The following RBFOX1 variants were observed in gnomAD, a reference collection of about 807,000 sequenced individuals.
RBFOX1 encodes the protein RNA binding fox-1 homolog 1.
A neutral mutation model predicts 57.7 loss-of-function variants in RBFOX1; 8 were observed. That is an observed-to-expected ratio of 0.14 (90% CI 0.08 to 0.25). RBFOX1 has a LOEUF of 0.25. Among genes scored for constraint, RBFOX1 ranks in the 10% least tolerant of loss-of-function variants. The probability of loss-of-function intolerance (pLI) is 1.00; values close to 1 mark genes in which losing one functional copy is unlikely to be tolerated. For synonymous variants in RBFOX1, 326 were observed against 222.4 expected (o/e 1.47, Z -4.15); for missense variants, 611 against 548.5 (o/e 1.11, Z -1.14).
At chr16:7,431,451 G>C (rs936425101) in intron 4 of RBFOX1, among the ~76,000 whole-genome samples, 3 of 151,564 alleles carry the variant, frequency 2.0e-5, no homozygotes, top group Admixed American at 1.3e-4. Flanking sequence ...GTGTTGCCCA[G>C]ACTGGTCTCA....
chr16:7,244,559 A>C (rs904479694), intron 4 of RBFOX1, among the ~76,000 whole-genome samples: 1 of 152,172 alleles, frequency 6.6e-6, no homozygotes, highest in Non-Finnish European at 1.5e-5. Context: ...CTCAGTTGCA[A>C]TGCTCCTAGA....
intron 3 of RBFOX1, among the ~76,000 whole-genome samples, chr16:6,936,112 C>T (rs77758963): frequency 0.015 from 2,315 of 152,166 alleles, 57 homozygotes; most frequent in African/African-American, 0.053. Context: ...CTTTTTGCTC[C>T]GGGGGTTCAG....
chr16:6,238,156 C>G (rs1377866791), intron 1 of RBFOX1, among the ~76,000 whole-genome samples: 1 of 150,288 alleles, frequency 6.7e-6, no homozygotes, highest in Non-Finnish European at 1.5e-5. Flanking sequence ...TTAGAAATGT[C>G]TGTGAAGTAT....
intron 2 of RBFOX1, among the ~76,000 whole-genome samples, chr16:6,410,125 C>G (rs1199264984): frequency 6.6e-6 from 1 of 150,498 alleles, no homozygotes; most frequent in African/African-American, 2.5e-5. Flanking sequence ...TGGCAACTTT[C>G]TTTTCTTCTT....
At chr16:7,094,298 A>G (rs1400828188) in intron 4 of RBFOX1, among the ~76,000 whole-genome samples, 3 of 152,178 alleles carry the variant, frequency 2.0e-5, no homozygotes, top group East Asian at 1.9e-4. Flanking sequence ...GGGAAGCAAT[A>G]GAGCATTGTT....
intron 2 of RBFOX1, among the ~76,000 whole-genome samples, chr16:5,480,487 C>T (rs948236059): frequency 4.6e-5 from 7 of 152,090 alleles, no homozygotes; most frequent in African/African-American, 1.7e-4. Context: ...CATAATAAAC[C>T]CTGCTGCCGC....
chr16:6,164,811 G>A (rs1597961351), intron 1 of RBFOX1, among the ~76,000 whole-genome samples: 1 of 152,056 alleles, frequency 6.6e-6, no homozygotes. Flanking sequence ...ACTCAGTGGA[G>A]CTCGTTACAA....
intron 3 of RBFOX1, among the ~76,000 whole-genome samples, chr16:6,739,931 C>G (rs1030982091): frequency 2.0e-5 from 3 of 152,110 alleles, no homozygotes; most frequent in East Asian, 1.9e-4. Flanking sequence ...CCATTACACT[C>G]TGGTCACAAA....
At chr16:6,877,420 A>T (rs1287591937) in intron 3 of RBFOX1, among the ~76,000 whole-genome samples, 1 of 152,200 alleles carries the variant, frequency 6.6e-6, no homozygotes, top group African/African-American at 2.4e-5. Flanking sequence ...GCATTATTAA[A>T]TCACAGAGAC....
At chr16:5,466,542 C>T (rs1404007343) in intron 1 of RBFOX1, among the ~76,000 whole-genome samples, 4 of 152,132 alleles carry the variant, frequency 2.6e-5, no homozygotes, top group Admixed American at 2.6e-4. Context: ...CTGTGTGTGC[C>T]CTCTGGGAAT....
intron 4 of RBFOX1, chr16:7,422,992 G>C (rs537705926): frequency 1.3e-5 from 2 of 152,120 alleles, no homozygotes; most frequent in East Asian, 3.9e-4. Flanking sequence ...CTGACACCTG[G>C]CCACCCAACC....
At chr16:7,212,618 C>T (rs1251628994) in intron 4 of RBFOX1, among the ~76,000 whole-genome samples, 1 of 148,528 alleles carries the variant, frequency 6.7e-6, no homozygotes, top group African/African-American at 2.5e-5. Context: ...TAAAGGCATT[C>T]CACAAGTTGT....
chr16:6,841,757 G>A (rs1478553808), intron 3 of RBFOX1, among the ~76,000 whole-genome samples: 1 of 152,010 alleles, frequency 6.6e-6, no homozygotes, highest in African/African-American at 2.4e-5. Context: ...CTTAAACCTG[G>A]ACCATGCAGC....
Position 6,864,618 on chromosome 16 carries a change from A to G in RBFOX1, c.-15-187439A>G, listed in dbSNP as rs574717592. 1.7e-4 allele frequency among the ~76,000 whole-genome samples: 25 copies of G among 151,466 alleles called. No individual in the cohort carries two copies. In the South Asian group the frequency reaches 3.8e-3, roughly 23 times the overall value. Reference sequence around the variant, plus strand: ...GGATGTGTCAACGGCAGGATATTTGAGAATCAAGGATCTGATTCAAATGTT... The same window carrying G: ...GGATGTGTCAACGGCAGGATATTTGGGAATCAAGGATCTGATTCAAATGTT... On this transcript the variant is annotated intron_variant, in intron 3 of 15. Coordinates refer to ENST00000550418, the MANE Select transcript of RBFOX1 (RefSeq NM_018723.4).
chr16:5,400,078 C>T (rs2066670545), intron 1 of RBFOX1, among the ~76,000 whole-genome samples: 1 of 151,708 alleles, frequency 6.6e-6, no homozygotes, highest in Non-Finnish European at 1.5e-5. Context: ...TTCTTCTTTC[C>T]TTTTCTTTTT....
intron 1 of RBFOX1, among the ~76,000 whole-genome samples, chr16:6,110,575 A>T (rs953323137): frequency 6.6e-6 from 1 of 152,126 alleles, no homozygotes; most frequent in African/African-American, 2.4e-5. Context: ...TCCAATTAAG[A>T]TGGATCCATG....
intron 3 of RBFOX1, among the ~76,000 whole-genome samples, chr16:5,818,995 C>A (rs1390192860): frequency 6.6e-6 from 1 of 152,172 alleles, no homozygotes; most frequent in Non-Finnish European, 1.5e-5. Context: ...TCCATCTGTC[C>A]TTCTCCTCCT....
At position 5,948,890 on chromosome 16, in the gene RBFOX1, C is replaced by G. The variant is rs1251280349; in HGVS notation, c.351+81555C>G. Among the ~76,000 whole-genome samples, 3 of 152,194 alleles carry G rather than the reference C, an allele frequency of 2.0e-5. No homozygotes were observed. In the East Asian group the frequency reaches 5.8e-4, roughly 29 times the overall value. On this transcript the variant is annotated intron_variant, in intron 4 of 19. Coordinates refer to the RBFOX1 transcript ENST00000641259. ...AGGACAGGGGCACTGCCATTTTATT[C>G]ACTCACCCAACACCTAGTGGGTACA...
intron 1 of RBFOX1, among the ~76,000 whole-genome samples, chr16:5,306,979 C>T (rs1033712899): frequency 6.6e-6 from 1 of 151,864 alleles, no homozygotes; most frequent in East Asian, 1.9e-4. Context: ...GGCATCTCAG[C>T]AAAACTTTGG....
Sources: allele counts gnomAD v4.1 joint callset (sites outside exome capture counted in the v4.1 genomes callset), GRCh38; gene constraint gnomAD v4.1.1; transcripts MANE v1.5; gene names NCBI Gene and HGNC (gene_info 2026-07-23, HGNC 2026-07-21).